VDAC1: variants seen among roughly 807,000 people sequenced by gnomAD.
The protein encoded by VDAC1 is non-selective voltage-gated ion channel VDAC1.
In VDAC1, 10 loss-of-function variants were observed where a neutral mutation model predicts 34.7. That is an observed-to-expected ratio of 0.29 (90% confidence interval 0.18 to 0.49). The LOEUF (loss-of-function observed/expected upper bound fraction) is 0.49. VDAC1 is among the 20% of genes least tolerant of loss of function. The pLI is 0.99. For missense variants in VDAC1, 230 were observed against 347.9 expected, an observed-to-expected ratio of 0.66 and a Z score of 2.69; for synonymous variants, 130 against 136.0, an observed-to-expected ratio of 0.96 and a Z score of 0.30.
chr5:134,015,431 T>A, the VDAC1 span, among the ~76,000 whole-genome samples: 1 of 152,094 alleles, frequency 6.6e-6, no homozygotes, highest in Non-Finnish European at 1.5e-5. Flanking sequence ...ACAACACACA[T>A]TGAATCTTCT....
At chr5:134,032,618 C>A in the VDAC1 span, among the ~76,000 whole-genome samples, 1 of 152,070 alleles carries the variant, frequency 6.6e-6, no homozygotes, top group East Asian at 1.9e-4. Context: ...GAGTAGTATG[C>A]AGCTATAAAT....
At chr5:134,033,854 T>C in the VDAC1 span, among the ~76,000 whole-genome samples, 17 of 149,168 alleles carry the variant, frequency 1.1e-4, no homozygotes, top group African/African-American at 3.7e-4. Flanking sequence ...TAGCCGGGAG[T>C]GGTGGCAGGC....
chr5:134,047,277 G>A, the VDAC1 span, among the ~76,000 whole-genome samples: 510 of 152,266 alleles, frequency 3.3e-3, 2 homozygotes, highest in Non-Finnish European at 5.6e-3. Flanking sequence ...AAAAGGTTGG[G>A]TGTCAAGTGA....
In VDAC1 at chr5:133,975,893, A is replaced by G; in HGVS notation, c.680T>C (p.Ile227Thr). The part of the protein sequence containing the change: ...TRFGIAAKYQ[I>T]DPDACFSAKV... The stretch of plus-strand genomic sequence containing the variant: ...CACCGAGAAGCAGGCGTCAGGGTCA[A>G]TCTGATACTTGGCTGCTATTCCGAA... The change falls in exon 7 of 9, where the codon ATT becomes ACT. Residue 227 changes from isoleucine to threonine, a missense_variant. Transcript: ENST00000265333. 5 of 1,612,000 alleles carry G rather than the reference A, an allele frequency of 3.1e-6. No individual in the cohort carries two copies. The highest frequency in any genetic ancestry group is 4.2e-6 in the Non-Finnish European group (5 of 1,179,828).
the VDAC1 span, among the ~76,000 whole-genome samples, chr5:134,037,446 T>A: frequency 6.6e-6 from 1 of 152,216 alleles, no homozygotes; most frequent in East Asian, 1.9e-4. Flanking sequence ...GCACCCCTGA[T>A]GATTAATGGG....
the VDAC1 span, among the ~76,000 whole-genome samples, chr5:134,049,761 G>A: frequency 1.3e-5 from 2 of 151,980 alleles, no homozygotes; most frequent in Non-Finnish European, 2.9e-5. Context: ...TGTATTTTTA[G>A]TAGAGATGGG....
At chr5:134,064,579 C>A in the VDAC1 span, among the ~76,000 whole-genome samples, 1 of 151,988 alleles carries the variant, frequency 6.6e-6, no homozygotes, top group Admixed American at 6.6e-5. Flanking sequence ...GCTGGGATTA[C>A]AAGTGTGAGC....
chr5:134,082,114 G>A, the VDAC1 span: 19,857 of 152,728 alleles, frequency 0.13, 1,813 homozygotes, highest in East Asian at 0.34. Context: ...GCCTCCAGTC[G>A]ATAAGTTTGA....
At chr5:134,111,308 C>T in the VDAC1 span, among the ~76,000 whole-genome samples, 7 of 152,168 alleles carry the variant, frequency 4.6e-5, no homozygotes, top group Non-Finnish European at 7.3e-5. Context: ...AGCTCATTTG[C>T]GTGAAGATGA....
intron 1 of VDAC1, among the ~76,000 whole-genome samples, chr5:134,001,879 C>T (rs973962338): frequency 6.6e-6 from 1 of 152,122 alleles, no homozygotes; most frequent in Admixed American, 6.5e-5. Flanking sequence ...AAGTCCCACT[C>T]ATCCCAAACC....
chr5:134,057,534 TC>T, the VDAC1 span, among the ~76,000 whole-genome samples: 1 of 148,554 alleles, frequency 6.7e-6, no homozygotes, highest in Non-Finnish European at 1.5e-5. Context: ...TATATCTATA[TC>T]TATATAAGCC....
At chr5:133,997,049 TACC>T (rs933300420) in intron 1 of VDAC1, among the ~76,000 whole-genome samples, 3 of 152,196 alleles carry the variant, frequency 2.0e-5, no homozygotes, top group African/African-American at 7.2e-5. Flanking sequence ...GTTGAGTGAC[TACC>T]ACATCTGTGT....
At chr5:133,986,924 T>TTA (rs1752928631) in intron 5 of VDAC1, among the ~76,000 whole-genome samples, 1 of 152,218 alleles carries the variant, frequency 6.6e-6, no homozygotes, top group South Asian at 2.1e-4. Flanking sequence ...ACACTGTGCA[T>TTA]TATAGCCCAT....
At chr5:134,106,426 T>TTTTTTA in the VDAC1 span, among the ~76,000 whole-genome samples, 63 of 151,468 alleles carry the variant, frequency 4.2e-4, no homozygotes, top group African/African-American at 1.5e-3. Flanking sequence ...TTTTTTTTTT[T>TTTTTTA]AAATGGAGTC....
At chr5:133,982,262 C>T (rs1259215291) in intron 5 of VDAC1, among the ~76,000 whole-genome samples, 1 of 152,116 alleles carries the variant, frequency 6.6e-6, no homozygotes, top group Non-Finnish European at 1.5e-5. Context: ...GCCAGTAATT[C>T]CAGCACTTTG....
Position 133,993,027 on chromosome 5 carries a change from A to G in VDAC1, c.-6-9T>C, listed in dbSNP as rs758794263. 22 of 1,607,920 alleles carry G rather than the reference A, an allele frequency of 1.4e-5. No individual in the cohort carries two copies. The African/African-American group carries it at 2.5e-4, about 19-fold the overall frequency. On this transcript the variant is annotated splice_polypyrimidine_tract_variant and intron_variant, in intron 1 of 8. Transcript: ENST00000265333. ...GGCACAGCCATCTTCTGCTATGATA[A>G]AAGAATCACCAGAATAAATGCATTG... is the stretch of plus-strand genomic sequence containing the variant.
intron 5 of VDAC1, among the ~76,000 whole-genome samples, chr5:133,983,614 G>C (rs1752785698): frequency 6.6e-6 from 1 of 152,094 alleles, no homozygotes; most frequent in Admixed American, 6.6e-5. Context: ...GGTCACAGCT[G>C]AAAATAAAGC....
chr5:133,993,086 AT>A, intron 1 of VDAC1, 68 bp from the exon 2 acceptor site: 1 of 1,476,496 alleles, frequency 6.8e-7, no homozygotes, highest in Admixed American at 2.0e-5. Context: ...ATCAATAACA[AT>A]TATTAGATGT....
chr5:134,020,134 G>T, the VDAC1 span, among the ~76,000 whole-genome samples: 30 of 151,842 alleles, frequency 2.0e-4, 1 homozygote, highest in Non-Finnish European at 1.5e-5. Flanking sequence ...GAATATCATG[G>T]CTTTCCTAAA....
Sources: allele counts gnomAD v4.1 joint callset (sites outside exome capture counted in the v4.1 genomes callset), GRCh38; gene constraint gnomAD v4.1.1; transcripts MANE v1.5; gene names NCBI Gene and HGNC (gene_info 2026-07-23, HGNC 2026-07-21).